PTPRN2: variants seen among roughly 807,000 people sequenced by gnomAD.
The protein encoded by PTPRN2 is receptor-type tyrosine-protein phosphatase N2.
In PTPRN2, 74 loss-of-function variants were observed where a neutral mutation model predicts 118.8. The observed-to-expected ratio is 0.62, with a 90% CI of 0.52 to 0.76. The LOEUF (loss-of-function observed/expected upper bound fraction) is 0.76, where lower values mean the gene tolerates loss of function less well. Among genes scored for constraint, PTPRN2 ranks in the 30% least tolerant of loss-of-function variants. The pLI is 0.00. For synonymous variants in PTPRN2, 641 were observed against 608.0 expected, an observed-to-expected ratio of 1.05 and a Z score of -0.80; for missense variants, 1,481 against 1,394.4, an observed-to-expected ratio of 1.06 and a Z score of -0.99.
At chr7:158,413,384 C>T (rs968493978) in intron 2 of PTPRN2, among the ~76,000 whole-genome samples, 4 of 152,294 alleles carry the variant, frequency 2.6e-5, no homozygotes, top group African/African-American at 7.2e-5. Flanking sequence ...CATCTGAACC[C>T]GAATGCACAC....
intron 2 of PTPRN2, among the ~76,000 whole-genome samples, chr7:158,463,681 C>G (rs947910113): frequency 3.3e-5 from 5 of 152,122 alleles, no homozygotes; most frequent in South Asian, 2.1e-4. Flanking sequence ...TCACTATCTT[C>G]ACCATCATCA....
At chr7:158,364,479 T>C (rs996386225) in intron 2 of PTPRN2, among the ~76,000 whole-genome samples, 4 of 152,198 alleles carry the variant, frequency 2.6e-5, no homozygotes, top group African/African-American at 9.7e-5. Context: ...AGAATGTCTC[T>C]TTTTCTGGTT....
chr7:158,102,967 C>G (rs907299572), intron 10 of PTPRN2, among the ~76,000 whole-genome samples: 3 of 152,160 alleles, frequency 2.0e-5, no homozygotes, highest in African/African-American at 4.8e-5. Context: ...AGACAGGGAG[C>G]CTGACGGGAC....
intron 11 of PTPRN2, among the ~76,000 whole-genome samples, chr7:158,052,964 C>T (rs1047788897): frequency 4.6e-5 from 7 of 152,294 alleles, no homozygotes; most frequent in African/African-American, 1.7e-4. Context: ...CTCGGGGGCT[C>T]CTGCTGGGGT....
At chr7:157,771,787 T>TCACACA (rs1554441237) in intron 12 of PTPRN2, among the ~76,000 whole-genome samples, 6,255 of 132,616 alleles carry the variant, frequency 0.047, 300 homozygotes, top group African/African-American at 0.12. Flanking sequence ...AGACACACAC[T>TCACACA]CACAGACACA....
At chr7:158,206,933 T>C (rs1827199843) in intron 3 of PTPRN2, among the ~76,000 whole-genome samples, 1 of 146,270 alleles carries the variant, frequency 6.8e-6, no homozygotes, top group Non-Finnish European at 1.5e-5. Flanking sequence ...GCATTAGGTA[T>C]ATCTCCCAAT....
At chr7:158,536,892 C>A (rs1825680533) in intron 1 of PTPRN2, among the ~76,000 whole-genome samples, 1 of 152,236 alleles carries the variant, frequency 6.6e-6, no homozygotes. Context: ...GAGCAAACAT[C>A]TGTCAGTAGG....
At chr7:157,967,632 G>A (rs1802042786) in intron 11 of PTPRN2, among the ~76,000 whole-genome samples, 1 of 152,164 alleles carries the variant, frequency 6.6e-6, no homozygotes, top group African/African-American at 2.4e-5. Context: ...ATGGGGAAAA[G>A]GAGAACGATG....
At chr7:157,677,780 C>T (rs928854342) in intron 13 of PTPRN2, among the ~76,000 whole-genome samples, 3 of 152,208 alleles carry the variant, frequency 2.0e-5, no homozygotes, top group African/African-American at 7.2e-5. Flanking sequence ...GGTTTCCTTC[C>T]GATTTCCTTC....
rs1822988311 is a variant in PTPRN2 at position 158,509,052 on chromosome 7, G to T, written c.113-19267C>A. 6.6e-6 allele frequency among the ~76,000 whole-genome samples: 1 copy of T among 152,218 alleles called. No homozygotes were observed. Among genetic ancestry groups the T allele is most frequent in the South Asian group, 2.1e-4 (1 of 4,824 alleles). ...GAGGTGGAAGCTGATGCGGGTGGAGGTGGGTGGTTTCTAAAGATAAGAAGG... is the reference window on the plus strand; with the variant it reads ...GAGGTGGAAGCTGATGCGGGTGGAGTTGGGTGGTTTCTAAAGATAAGAAGG... On this transcript the variant is annotated intron_variant, in intron 1 of 22. Coordinates refer to ENST00000389418, the MANE Select transcript of PTPRN2 (RefSeq NM_002847.5). The surrounding 1 kb of genome is among the most constrained non-coding windows in gnomAD (Gnocchi z 4.4).
At chr7:157,718,829 A>G (rs1423122428) in intron 12 of PTPRN2, among the ~76,000 whole-genome samples, 4 of 151,718 alleles carry the variant, frequency 2.6e-5, no homozygotes, top group Non-Finnish European at 5.9e-5. Context: ...AGCTGCCGCA[A>G]TCGGTCCTTC....
intron 11 of PTPRN2, among the ~76,000 whole-genome samples, chr7:157,980,612 A>T (rs1803067088): frequency 6.6e-6 from 1 of 152,160 alleles, no homozygotes; most frequent in Admixed American, 6.5e-5. Context: ...TTAGCTGGGC[A>T]TGGTGGCACG....
At chr7:157,920,248 A>C (rs1172893874) in intron 11 of PTPRN2, among the ~76,000 whole-genome samples, 1 of 152,228 alleles carries the variant, frequency 6.6e-6, no homozygotes, top group African/African-American at 2.4e-5. Flanking sequence ...ATATTAATAG[A>C]TGAATATGAA....
chr7:157,996,479 A>G (rs1804751966), intron 11 of PTPRN2, among the ~76,000 whole-genome samples: 1 of 152,232 alleles, frequency 6.6e-6, no homozygotes, highest in Non-Finnish European at 1.5e-5. Flanking sequence ...CTTTCCTGCC[A>G]GTCAGTGCCA....
Position 157,656,474 on chromosome 7 carries a change from G to C in PTPRN2, c.2079C>G (p.Val693=), listed in dbSNP as rs1473543346. 2 of 1,555,392 alleles carry C rather than the reference G, an allele frequency of 1.3e-6. No individual in the cohort carries two copies. Among genetic ancestry groups the C allele is most frequent in the South Asian group, 1.2e-5 (1 of 84,704 alleles). The change falls in exon 14 of 23, where the codon GTC becomes GTG. Residue 693 remains valine, a synonymous_variant. Transcript: ENST00000389418. The stretch of plus-strand genomic sequence containing the variant: ...TCGGCCCGTCGCTGAACTGGGATGA[G>C]ACGCTGCTGATGCGTGACGTGTGCG... The part of the protein sequence containing the change: ...EGPHTSRISS[V]SSQFSDGPIP...
intron 22 of PTPRN2, among the ~76,000 whole-genome samples, chr7:157,547,559 C>T (rs1199220864): frequency 2.6e-5 from 4 of 152,058 alleles, no homozygotes; most frequent in African/African-American, 4.8e-5. Flanking sequence ...CCCGTGTCAC[C>T]TCCTCTCTCG....
chr7:157,576,650 C>T lies in PTPRN2; in HGVS notation c.2746G>A (p.Val916Ile). ...FHFLSWYDRGVPSSSRSLLDF... is the reference protein window; with the variant it reads ...FHFLSWYDRGIPSSSRSLLDF... ...AGGAGGGACCTTGAGGAGGAAGGGA[C>T]TCCTCGGTCATACCAACTCAGGAAG... Residue 916 changes from valine (V) to isoleucine (I), a missense_variant, in exon 19 of 23, where the codon GTC becomes ATC. Physicochemically the swap from Val to Ile is conservative, Grantham distance 29 (BLOSUM62 3). Transcript: ENST00000389418. 6.2e-7 allele frequency: 1 copy of T among 1,612,846 alleles called. No homozygotes were observed. The highest frequency in any genetic ancestry group is 8.5e-7 in the Non-Finnish European group (1 of 1,179,476).
rs1302040072 is a variant in PTPRN2 at position 157,974,726 on chromosome 7, G to A, written c.1724-75989C>T. Among the ~76,000 whole-genome samples the A allele has an allele frequency of 6.6e-6, 1 of 152,000 alleles. No individual in the cohort carries two copies. Among genetic ancestry groups the A allele is most frequent in the Non-Finnish European group, 1.5e-5 (1 of 67,986 alleles). On this transcript the variant is annotated intron_variant, in intron 11 of 22. Transcript: ENST00000389418. This position sits in a 1 kb window ranked among gnomAD's most constrained non-coding sequence, Gnocchi z 4.0. ...GGAAGACACAGGTAGCGGGTCAGGT[G>A]CTGGGGAGGTGTTGCTGGGCATGGT...
At chr7:157,883,620 G>A (rs963775580) in intron 12 of PTPRN2, among the ~76,000 whole-genome samples, 1 of 148,732 alleles carries the variant, frequency 6.7e-6, no homozygotes, top group Admixed American at 6.7e-5. Flanking sequence ...CAAAATGACT[G>A]TTGGAGACCA....
Sources: allele counts gnomAD v4.1 joint callset (sites outside exome capture counted in the v4.1 genomes callset), GRCh38; gene constraint gnomAD v4.1.1; non-coding constraint Gnocchi (gnomAD v3.1); transcripts MANE v1.5; gene names NCBI Gene and HGNC (gene_info 2026-07-23, HGNC 2026-07-21).